KLHL1: variants seen among roughly 807,000 people sequenced by gnomAD.
KLHL1 encodes the protein kelch like family member 1.
In KLHL1, 47 loss-of-function variants were observed where a neutral mutation model predicts 77.7. The ratio of observed to expected loss-of-function variants is 0.60; its 90% CI spans 0.48 to 0.77. The LOEUF is 0.77. Ranked by LOEUF, KLHL1 falls within the 30% of genes least tolerant of loss-of-function variation. The probability of loss-of-function intolerance (pLI) is 0.00; values close to 1 mark genes in which losing one functional copy is unlikely to be tolerated. For missense variants in KLHL1, 925 were observed against 910.8 expected, an observed-to-expected ratio of 1.02 and a Z score of -0.20; for synonymous variants, 360 against 325.2, an observed-to-expected ratio of 1.11 and a Z score of -1.15.
intron 1 of KLHL1, among the ~76,000 whole-genome samples, chr13:70,035,745 A>G (rs1016908451): frequency 1.3e-5 from 2 of 152,024 alleles, no homozygotes; most frequent in Non-Finnish European, 2.9e-5. Flanking sequence ...AAAAGCTTTT[A>G]TGTTAACTTT....
intron 4 of KLHL1, among the ~76,000 whole-genome samples, chr13:69,912,752 T>C (rs911784154): frequency 5.9e-5 from 9 of 152,156 alleles, no homozygotes; most frequent in African/African-American, 2.2e-4. Flanking sequence ...GGATTTTCTG[T>C]CGTCTAGCCT....
intron 1 of KLHL1, among the ~76,000 whole-genome samples, chr13:70,095,769 G>A (rs1042537998): frequency 2.0e-5 from 3 of 151,950 alleles, no homozygotes; most frequent in African/African-American, 4.8e-5. Flanking sequence ...ATTTAACACA[G>A]CATCTTATTC....
At chr13:69,981,722 G>A (rs1401153114) in intron 1 of KLHL1, among the ~76,000 whole-genome samples, 1 of 150,818 alleles carries the variant, frequency 6.6e-6, no homozygotes, top group Non-Finnish European at 1.5e-5. Context: ...TTTTATATCA[G>A]GCACACATTA....
chr13:69,880,383 T>C (rs1880941726), intron 5 of KLHL1, among the ~76,000 whole-genome samples: 1 of 152,112 alleles, frequency 6.6e-6, no homozygotes, highest in Non-Finnish European at 1.5e-5. Context: ...ACATCTGTTG[T>C]GAAGGTACAT....
At chr13:69,922,057 T>G (rs903295698) in intron 4 of KLHL1, among the ~76,000 whole-genome samples, 3 of 151,778 alleles carry the variant, frequency 2.0e-5, no homozygotes, top group Non-Finnish European at 4.4e-5. Flanking sequence ...GAATCCTGAG[T>G]AGCTGGGACT....
At chr13:70,079,764 A>G (rs1593726736) in intron 1 of KLHL1, among the ~76,000 whole-genome samples, 1 of 152,144 alleles carries the variant, frequency 6.6e-6, no homozygotes, top group Non-Finnish European at 1.5e-5. Context: ...GAATGAGGAA[A>G]CGAAGCATTA....
intron 8 of KLHL1, among the ~76,000 whole-genome samples, chr13:69,720,648 G>T (rs955298749): frequency 2.5e-4 from 38 of 151,876 alleles, no homozygotes; most frequent in South Asian, 1.2e-3. Context: ...AACCAGAAAA[G>T]GTCTCACTGA....
At chr13:69,714,675 C>T (rs1260241328) in intron 9 of KLHL1, among the ~76,000 whole-genome samples, 4 of 151,760 alleles carry the variant, frequency 2.6e-5, no homozygotes, top group Non-Finnish European at 5.9e-5. Context: ...TCACTGCAGC[C>T]TCAACCTCCC....
At chr13:69,798,564 T>C (rs1280045341) in intron 6 of KLHL1, among the ~76,000 whole-genome samples, 1 of 152,034 alleles carries the variant, frequency 6.6e-6, no homozygotes, top group African/African-American at 2.4e-5. Flanking sequence ...ACAAAAGTTA[T>C]TCAATACTGT....
intron 3 of KLHL1, among the ~76,000 whole-genome samples, chr13:69,958,123 G>A (rs1293680755): frequency 6.6e-6 from 1 of 151,370 alleles, no homozygotes; most frequent in Non-Finnish European, 1.5e-5. Flanking sequence ...TTACTCTGTT[G>A]TACATATTGC....
chr13:69,705,671 C>A (rs1177735802), intron 10 of KLHL1, among the ~76,000 whole-genome samples: 1 of 151,518 alleles, frequency 6.6e-6, no homozygotes, highest in African/African-American at 2.4e-5. Context: ...GAAGCAAAAT[C>A]TTAAAGTAAC....
chr13:70,009,592 A>T (rs890758199), intron 1 of KLHL1, among the ~76,000 whole-genome samples: 7 of 152,130 alleles, frequency 4.6e-5, no homozygotes, highest in African/African-American at 1.4e-4. Flanking sequence ...GGGTAGTGAG[A>T]GTTGGAAAAG....
intron 7 of KLHL1, among the ~76,000 whole-genome samples, chr13:69,749,285 A>G (rs561778682): frequency 4.5e-4 from 69 of 152,144 alleles, no homozygotes; most frequent in Admixed American, 1.3e-3. Flanking sequence ...TTCAGTATCA[A>G]TATTAAAACT....
intron 1 of KLHL1, among the ~76,000 whole-genome samples, chr13:70,025,085 A>T (rs1885907899): frequency 6.6e-6 from 1 of 152,062 alleles, no homozygotes; most frequent in Non-Finnish European, 1.5e-5. Flanking sequence ...ATCCTACAGA[A>T]ATATAACCAG....
intron 4 of KLHL1, among the ~76,000 whole-genome samples, chr13:69,890,914 C>A (rs1199893036): frequency 6.6e-6 from 1 of 151,934 alleles, no homozygotes; most frequent in Non-Finnish European, 1.5e-5. Context: ...CAAACATATA[C>A]TTGTTTAATT....
At chr13:69,946,097 C>G (rs1217408082) in intron 3 of KLHL1, among the ~76,000 whole-genome samples, 1 of 152,080 alleles carries the variant, frequency 6.6e-6, no homozygotes, top group Non-Finnish European at 1.5e-5. Context: ...AACACAGACT[C>G]TATGATTAAC....
chr13:69,939,352 T>TATATATATATATATACACACAC (rs1883285172), intron 4 of KLHL1, among the ~76,000 whole-genome samples: 1 of 62,508 alleles, frequency 1.6e-5, no homozygotes, highest in African/African-American at 6.1e-5. Flanking sequence ...TATATATATA[T>TATATATATATATATACACACAC]ATATATATAT....
intron 7 of KLHL1, among the ~76,000 whole-genome samples, chr13:69,753,664 G>T (rs1874582053): frequency 6.6e-6 from 1 of 151,884 alleles, no homozygotes; most frequent in Admixed American, 6.6e-5. Flanking sequence ...TCAATCATTG[G>T]CAAAAACATT....
chr13:69,702,671 T>C (rs1875452975), intron 10 of KLHL1, among the ~76,000 whole-genome samples: 1 of 151,750 alleles, frequency 6.6e-6, no homozygotes, highest in Admixed American at 6.6e-5. Flanking sequence ...ACCAGTTATT[T>C]TGAATGTATT....
Sources: gnomAD v4.1 joint callset for allele counts (sites outside exome capture counted in the v4.1 genomes callset) on GRCh38, gnomAD v4.1.1 for gene constraint, MANE v1.5 for transcripts, NCBI Gene and HGNC (gene_info 2026-07-23, HGNC 2026-07-21) for gene names.